The following TENM3 variants were observed in gnomAD, a reference collection of about 807,000 sequenced individuals.
TENM3 encodes the protein teneurin transmembrane protein 3.
In TENM3, 63 loss-of-function variants were observed where a neutral mutation model predicts 255.1. That is an observed-to-expected ratio of 0.25 (90% CI 0.20 to 0.30). The LOEUF (loss-of-function observed/expected upper bound fraction) is 0.30. Ranked by LOEUF, TENM3 falls within the 10% of genes least tolerant of loss-of-function variation. TENM3 has a pLI of 1.00. For missense variants in TENM3, 2,929 were observed against 3,461.1 expected (o/e 0.85, Z 3.86); for synonymous variants, 1,306 against 1,322.3 (o/e 0.99, Z 0.27).
At chr4:182,294,985 C>T in intron 1 of TENM3, among the ~76,000 whole-genome samples, 1 of 141,520 alleles carries the variant, frequency 7.1e-6, no homozygotes, top group Non-Finnish European at 1.5e-5. Flanking sequence ...ATTTAATGGC[C>T]CATAAAATGT....
Position 182,252,335 on chromosome 4 carries a change from C to T in TENM3, c.-76+8859C>T, listed in dbSNP as rs141215096. ...ATGGAGTGCAAAGCTTTTAAGACCT[C>T]TAAAATCTCTCCATCAGTTGTATGC... On this transcript the variant is annotated intron_variant, in intron 1 of 27. Coordinates refer to ENST00000511685, the MANE Select transcript of TENM3 (RefSeq NM_001080477.4). 5.9e-5 allele frequency among the ~76,000 whole-genome samples: 9 copies of T among 152,208 alleles called. No homozygotes were observed. In the East Asian group the frequency reaches 1.7e-3, roughly 29 times the overall value.
At chr4:182,751,576 C>T (rs939269362) in intron 19 of TENM3, among the ~76,000 whole-genome samples, 9 of 152,088 alleles carry the variant, frequency 5.9e-5, no homozygotes, top group South Asian at 2.1e-4. Flanking sequence ...TTGTTGAATC[C>T]TCAGCGTCAG....
intron 3 of TENM3, among the ~76,000 whole-genome samples, chr4:182,491,487 C>T (rs1246099579): frequency 6.6e-6 from 1 of 151,864 alleles, no homozygotes; most frequent in African/African-American, 2.4e-5. Flanking sequence ...AAACATGATA[C>T]TGTGGTAGTT....
At chr4:181,744,708 C>G in the TENM3 span, among the ~76,000 whole-genome samples, 4 of 152,172 alleles carry the variant, frequency 2.6e-5, no homozygotes, top group Admixed American at 2.6e-4. Context: ...TGGTCCCAAG[C>G]AGTTTTACAT....
chr4:182,657,409 A>G (rs1753845295), intron 6 of TENM3, among the ~76,000 whole-genome samples: 1 of 152,080 alleles, frequency 6.6e-6, no homozygotes, highest in South Asian at 2.1e-4. Flanking sequence ...CTGTAAACAC[A>G]TCTTTATTCC....
chr4:181,931,590 C>G, the TENM3 span, among the ~76,000 whole-genome samples: 1 of 152,154 alleles, frequency 6.6e-6, no homozygotes, highest in Non-Finnish European at 1.5e-5. Context: ...GCCATACTGC[C>G]CAAAGTAATT....
At chr4:181,751,939 C>A in the TENM3 span, among the ~76,000 whole-genome samples, 1 of 152,188 alleles carries the variant, frequency 6.6e-6, no homozygotes, top group South Asian at 2.1e-4. Flanking sequence ...TACCCCTCTC[C>A]ACTAGGTATA....
chr4:181,808,289 A>T, the TENM3 span, among the ~76,000 whole-genome samples: 1 of 152,158 alleles, frequency 6.6e-6, no homozygotes, highest in East Asian at 1.9e-4. Flanking sequence ...GAGCATATAG[A>T]TAATGAAGTT....
chr4:182,715,930 C>T (rs1015964958), intron 13 of TENM3, among the ~76,000 whole-genome samples: 16 of 152,208 alleles, frequency 1.1e-4, no homozygotes, highest in Admixed American at 2.0e-4. Flanking sequence ...ACTTGAGCCA[C>T]AAATTCTGAG....
the TENM3 span, among the ~76,000 whole-genome samples, chr4:181,461,182 G>T: frequency 1.3e-5 from 2 of 151,412 alleles, no homozygotes; most frequent in African/African-American, 2.4e-5. Flanking sequence ...TTTTTTTTCT[G>T]GGATAGAAAG....
the TENM3 span, among the ~76,000 whole-genome samples, chr4:181,808,323 G>C: frequency 1.8e-4 from 28 of 152,296 alleles, no homozygotes; most frequent in Admixed American, 1.8e-3. Context: ...AGACACTGCT[G>C]TCACTAAATA....
the TENM3 span, among the ~76,000 whole-genome samples, chr4:181,835,377 A>G: frequency 6.6e-6 from 1 of 152,198 alleles, no homozygotes. Flanking sequence ...TTCATTTTCC[A>G]GTTTATATAT....
upstream of TENM3, chr4:182,142,303 A>G (rs2149536652): frequency 6.5e-6 from 1 of 153,464 alleles, no homozygotes; most frequent in South Asian, 2.1e-4. Flanking sequence ...GCGCCCCGAG[A>G]GCCGGGTCGG....
At chr4:181,799,009 A>G in the TENM3 span, among the ~76,000 whole-genome samples, 5 of 152,236 alleles carry the variant, frequency 3.3e-5, no homozygotes, top group African/African-American at 1.2e-4. Context: ...CCTTAAAGCA[A>G]AATGTAGACG....
At chr4:182,005,411 C>A in the TENM3 span, among the ~76,000 whole-genome samples, 146 of 152,244 alleles carry the variant, frequency 9.6e-4, no homozygotes, top group Non-Finnish European at 1.8e-3. Flanking sequence ...GGTCTCTGTT[C>A]TGCTCCTTTC....
chr4:182,466,431 G>T (rs562203599), intron 3 of TENM3, among the ~76,000 whole-genome samples: 1 of 152,230 alleles, frequency 6.6e-6, no homozygotes, highest in South Asian at 2.1e-4. Flanking sequence ...TGAGGCTCAG[G>T]TGATCCTCCC....
chr4:182,571,254 G>T (rs529441669), intron 3 of TENM3, among the ~76,000 whole-genome samples: 73 of 152,138 alleles, frequency 4.8e-4, no homozygotes, highest in Non-Finnish European at 9.1e-4. Flanking sequence ...GGCCAGGCAC[G>T]ATGGCTCCCG....
At chr4:182,742,612 T>G (rs1287388992) in intron 18 of TENM3, among the ~76,000 whole-genome samples, 2 of 152,234 alleles carry the variant, frequency 1.3e-5, no homozygotes, top group Non-Finnish European at 2.9e-5. Flanking sequence ...AAAAGAAATT[T>G]GTATTCCTGG....
chr4:182,080,879 T>C, the TENM3 span, among the ~76,000 whole-genome samples: 2 of 152,112 alleles, frequency 1.3e-5, no homozygotes, highest in Non-Finnish European at 2.9e-5. Context: ...TTGTCCCAGC[T>C]ACTCAGGAGG....
Sources: allele counts gnomAD v4.1 joint callset (sites outside exome capture counted in the v4.1 genomes callset), GRCh38; gene constraint gnomAD v4.1.1; transcripts MANE v1.5; gene names NCBI Gene and HGNC (gene_info 2026-07-23, HGNC 2026-07-21).